The following ST8SIA6 variants were observed in gnomAD, a reference collection of about 807,000 sequenced individuals.
ST8SIA6 encodes the protein alpha-2,8-sialyltransferase 8F.
A neutral mutation model predicts 33.6 loss-of-function variants in ST8SIA6; 39 were observed. The observed-to-expected ratio is 1.16, with a 90% confidence interval of 0.90 to 1.52. The LOEUF is 1.52. Ranked by LOEUF, ST8SIA6 falls within the 40% of genes most tolerant of loss-of-function variation. ST8SIA6 has a pLI of 0.00. For missense variants in ST8SIA6, 441 were observed against 443.8 expected, an observed-to-expected ratio of 0.99 and a Z score of 0.06; for synonymous variants, 172 against 167.2, an observed-to-expected ratio of 1.03 and a Z score of -0.22.
At chr10:17,413,481 G>A (rs1238425565) in intron 2 of ST8SIA6, 1 of 152,080 alleles carries the variant, frequency 6.6e-6, no homozygotes, top group Non-Finnish European at 1.5e-5. Flanking sequence ...TAAAATTCCT[G>A]AAATTAAAAT....
chr10:17,422,167 G>A lies in ST8SIA6; in HGVS notation c.200+31392C>T, dbSNP rs554819244. 3.9e-5 allele frequency among the ~76,000 whole-genome samples: 6 copies of A among 152,016 alleles called. No homozygotes were observed. The South Asian group carries it at 1.0e-3, about 26-fold the overall frequency. On this transcript the variant is annotated intron_variant, in intron 2 of 7. Transcript: ENST00000377602. The stretch of plus-strand genomic sequence containing the variant: ...GCCAATAGAAACAGTCTTTAATCAC[G>A]CTAAAAGAGAAAAAAACTGAATATT...
At chr10:17,368,474 A>G (rs1849632183) in intron 3 of ST8SIA6, among the ~76,000 whole-genome samples, 1 of 150,958 alleles carries the variant, frequency 6.6e-6, no homozygotes, top group South Asian at 2.1e-4. Context: ...AACGGTTGAT[A>G]GCAAACTGAA....
intron 4 of ST8SIA6, among the ~76,000 whole-genome samples, chr10:17,339,044 A>G (rs1027816032): frequency 1.3e-5 from 2 of 152,248 alleles, no homozygotes; most frequent in Non-Finnish European, 2.9e-5. Flanking sequence ...CTTTGCATCC[A>G]GATGTCAAAT....
chr10:17,322,226 GAA>G (rs1423436146), intron 7 of ST8SIA6, among the ~76,000 whole-genome samples: 1 of 124,142 alleles, frequency 8.1e-6, no homozygotes, highest in Non-Finnish European at 1.7e-5. Flanking sequence ...AGAAAAGAAA[GAA>G]AGAAAAAGAA....
intron 2 of ST8SIA6, among the ~76,000 whole-genome samples, chr10:17,445,347 C>T (rs1008022776): frequency 2.0e-5 from 3 of 152,202 alleles, no homozygotes; most frequent in Admixed American, 6.5e-5. Context: ...GCGCACATTT[C>T]GGTGGCAACA....
At chr10:17,437,153 C>G (rs773779622) in intron 2 of ST8SIA6, among the ~76,000 whole-genome samples, 45 of 152,144 alleles carry the variant, frequency 3.0e-4, no homozygotes, top group Non-Finnish European at 3.4e-4. Context: ...CTCTCTCTCT[C>G]TCATACGTAT....
In ST8SIA6 at chr10:17,454,174, C is replaced by A; in HGVS notation, c.82G>T (p.Asp28Tyr). The A allele has an allele frequency of 3.6e-6, 1 of 280,774 alleles. No individual in the cohort carries two copies. Among genetic ancestry groups the A allele is most frequent in the Non-Finnish European group, 6.5e-6 (1 of 153,060 alleles). The allele number at this position is 280,774 out of a possible 1,614,324, so 17.4% of individuals were successfully genotyped here. A position where few individuals can be genotyped will look rare whatever the true frequency, so the allele number is the denominator to read the frequency against. Residue 28 changes from aspartate (D) to tyrosine (Y), a missense_variant, in exon 1 of 8, where the codon GAC becomes TAC. Coordinates refer to ENST00000377602, the MANE Select transcript of ST8SIA6 (RefSeq NM_001004470.3). The surrounding 1 kb of genome is among the most constrained non-coding windows in gnomAD (Gnocchi z 4.1). ...LLLRLLWCPADAPGRARILVE... is the reference protein window; with the variant it reads ...LLLRLLWCPAYAPGRARILVE... ...GGTTACCTGGCGCGGCCGGGCGCGTCTGCCGGGCACCAGAGCAGGCGCAGC... is the reference window on the plus strand; with the variant it reads ...GGTTACCTGGCGCGGCCGGGCGCGTATGCCGGGCACCAGAGCAGGCGCAGC...
chr10:17,360,027 A>C (rs2131618315), intron 3 of ST8SIA6, among the ~76,000 whole-genome samples: 1 of 152,252 alleles, frequency 6.6e-6, no homozygotes, highest in Non-Finnish European at 1.5e-5. Flanking sequence ...CCTCCAAATA[A>C]TTATCTTAAG....
intron 2 of ST8SIA6, among the ~76,000 whole-genome samples, 179 bp from the exon 3 acceptor site, chr10:17,390,799 GAA>G (rs60135551): frequency 4.3e-4 from 60 of 139,460 alleles, no homozygotes; most frequent in African/African-American, 1.5e-3. Flanking sequence ...GGGTCTAAAT[GAA>G]AAAAAAAACA....
intron 2 of ST8SIA6, among the ~76,000 whole-genome samples, chr10:17,417,697 A>C (rs1179012589): frequency 6.6e-6 from 1 of 152,080 alleles, no homozygotes; most frequent in Non-Finnish European, 1.5e-5. Flanking sequence ...CAGGCTGCCA[A>C]AATAAGCCCC....
At chr10:17,350,649 C>CTTT (rs200376251) in intron 4 of ST8SIA6, among the ~76,000 whole-genome samples, 1 of 146,556 alleles carries the variant, frequency 6.8e-6, no homozygotes, top group East Asian at 2.0e-4. Flanking sequence ...TAGACACCAC[C>CTTT]TTTTTTTTTT....
intron 4 of ST8SIA6, among the ~76,000 whole-genome samples, chr10:17,339,376 A>G (rs1848603788): frequency 6.6e-6 from 1 of 152,156 alleles, no homozygotes; most frequent in Admixed American, 6.5e-5. Flanking sequence ...AAAAGTTCCC[A>G]TAAGGTAGAG....
intron 2 of ST8SIA6, among the ~76,000 whole-genome samples, chr10:17,442,380 A>T (rs1051673784): frequency 6.6e-6 from 1 of 152,192 alleles, no homozygotes; most frequent in African/African-American, 2.4e-5. Flanking sequence ...TTATGTGAAC[A>T]CTTTTTAGCT....
chr10:17,343,085 C>G (rs1468487126), intron 4 of ST8SIA6, among the ~76,000 whole-genome samples: 2 of 152,152 alleles, frequency 1.3e-5, no homozygotes, highest in African/African-American at 4.8e-5. Context: ...AAGGGCATCC[C>G]GGGTGCCTTG....
chr10:17,411,721 A>T (rs1268946886), intron 2 of ST8SIA6, among the ~76,000 whole-genome samples: 1 of 152,162 alleles, frequency 6.6e-6, no homozygotes, highest in Admixed American at 6.5e-5. Context: ...TTTCCAAGAC[A>T]TGTCAGGTTT....
rs375377351 is a variant in ST8SIA6, at chr10:17,364,565, T to A, written c.291-4965A>T. Among the ~76,000 whole-genome samples, 4 of 152,314 alleles carry A rather than the reference T, an allele frequency of 2.6e-5. No homozygotes were observed. In the East Asian group the frequency reaches 5.8e-4, roughly 22 times the overall value. On this transcript the variant is annotated intron_variant, in intron 3 of 7. Coordinates refer to ENST00000377602, the MANE Select transcript of ST8SIA6 (RefSeq NM_001004470.3). ...GGGGAAGACAAAAGAATAAGGGATA[T>A]AAAAGGGAATTTTTTTCTAAGTGCT...
intron 3 of ST8SIA6, among the ~76,000 whole-genome samples, chr10:17,386,585 C>G (rs1850359311): frequency 6.6e-6 from 1 of 152,166 alleles, no homozygotes; most frequent in Non-Finnish European, 1.5e-5. Context: ...ACATCAAACA[C>G]AGAGTTTCTT....
intron 2 of ST8SIA6, among the ~76,000 whole-genome samples, chr10:17,396,054 C>T (rs1226250737): frequency 2.0e-5 from 3 of 152,132 alleles, no homozygotes; most frequent in Admixed American, 1.3e-4. Flanking sequence ...GAGAAGCCTC[C>T]GACCCATGAG....
intron 2 of ST8SIA6, among the ~76,000 whole-genome samples, chr10:17,401,457 G>C (rs1193536875): frequency 6.6e-6 from 1 of 152,110 alleles, no homozygotes; most frequent in South Asian, 2.1e-4. Context: ...AACCAAAAAC[G>C]AGCCCGCATT....
Sources: gnomAD v4.1 joint callset for allele counts (sites outside exome capture counted in the v4.1 genomes callset) on GRCh38, gnomAD v4.1.1 for gene constraint, Gnocchi (gnomAD v3.1) non-coding constraint, MANE v1.5 for transcripts, NCBI Gene and HGNC (gene_info 2026-07-23, HGNC 2026-07-21) for gene names.